Variants in FMN1 observed in about 807,000 individuals in gnomAD.
FMN1 encodes the protein formin-1.
Under a neutral mutation model 132.4 loss-of-function variants are expected in FMN1, and 110 were observed. The ratio of observed to expected loss-of-function variants is 0.83; its 90% confidence interval spans 0.71 to 0.97. The LOEUF is 0.97. Ranked by LOEUF, FMN1 falls within the 50% of genes least tolerant of loss-of-function variation. The probability of loss-of-function intolerance (pLI) is 0.00; values close to 1 mark genes in which losing one functional copy is unlikely to be tolerated. For missense variants in FMN1, 1,792 were observed against 1,705.3 expected (o/e 1.05, Z -0.90); for synonymous variants, 722 against 651.7 (o/e 1.11, Z -1.64).
At chr15:32,875,328 C>A (rs1451890) in intron 16 of FMN1, among the ~76,000 whole-genome samples, 40,443 of 152,058 alleles carry the variant, frequency 0.27, 5,602 homozygotes, top group African/African-American at 0.31. Context: ...CTTTCACCAT[C>A]TACAGGAAAG....
At chr15:33,068,459 CATCTGGATTATG>C (rs2037850650) in intron 5 of FMN1, among the ~76,000 whole-genome samples, 1 of 152,164 alleles carries the variant, frequency 6.6e-6, no homozygotes, top group African/African-American at 2.4e-5. Context: ...CCTTCTTTTT[CATCTGGATTATG>C]ATCAGAGAGG....
At chr15:33,061,711 A>G (rs1386555190) in intron 6 of FMN1, among the ~76,000 whole-genome samples, 1 of 152,150 alleles carries the variant, frequency 6.6e-6, no homozygotes. Flanking sequence ...AAGATATAGT[A>G]TAATATACAA....
chr15:33,175,545 T>C (rs1367028385), intron 3 of FMN1, among the ~76,000 whole-genome samples: 1 of 152,212 alleles, frequency 6.6e-6, no homozygotes, highest in Non-Finnish European at 1.5e-5. Flanking sequence ...GGAGCCCCTA[T>C]TTCTCTATAT....
chr15:33,162,453 G>A (rs1372650235), intron 3 of FMN1, among the ~76,000 whole-genome samples: 1 of 152,000 alleles, frequency 6.6e-6, no homozygotes, highest in African/African-American at 2.4e-5. Flanking sequence ...TCAACATCAT[G>A]TTTGTAGAAT....
At chr15:33,122,788 TTC>T (rs1319625236) in intron 4 of FMN1, among the ~76,000 whole-genome samples, 1 of 152,230 alleles carries the variant, frequency 6.6e-6, no homozygotes, top group Non-Finnish European at 1.5e-5. Context: ...GCTGCCATTA[TTC>T]TGTTACATAA....
In FMN1 at chr15:33,008,017, C is replaced by A; in HGVS notation, c.2220G>T (p.Leu740=). ...CAGTAGCATCAAAGAGGCATACCTG[C>A]AGGTTTTCAATTTCTTCTTTGTGCT... ...KREHKEEIEN[L]QAQFELRAFH... Residue 740 remains leucine, a synonymous_variant, in exon 7 of 21, where the codon CTG becomes CTT. Transcript: ENST00000616417. 6.3e-7 allele frequency: 1 copy of A among 1,599,902 alleles called. No homozygotes were observed. Among genetic ancestry groups the A allele is most frequent in the Middle Eastern group, 1.7e-4 (1 of 6,044 alleles).
chr15:32,964,053 ATAC>A, intron 9 of FMN1, 51 bp downstream of exon 9: 1 of 1,394,108 alleles, frequency 7.2e-7, no homozygotes, highest in Non-Finnish European at 1.0e-6. Context: ...ACACACATAT[ATAC>A]CATTTCCCTG....
intron 15 of FMN1, among the ~76,000 whole-genome samples, chr15:32,893,016 G>A (rs1349034277): frequency 6.6e-6 from 1 of 152,088 alleles, no homozygotes; most frequent in Non-Finnish European, 1.5e-5. Flanking sequence ...TGTAAAACAT[G>A]GTTCTGAGAT....
intron 4 of FMN1, among the ~76,000 whole-genome samples, chr15:33,138,405 A>G (rs1041048118): frequency 6.6e-6 from 1 of 152,096 alleles, no homozygotes; most frequent in Admixed American, 6.6e-5. Context: ...AATGTGGCCT[A>G]TGCAGGTGTC....
intron 9 of FMN1, among the ~76,000 whole-genome samples, chr15:32,940,924 T>C (rs1294077066): frequency 6.6e-6 from 1 of 152,168 alleles, no homozygotes; most frequent in Non-Finnish European, 1.5e-5. Flanking sequence ...TGTTAGACGT[T>C]AGTGGGATTC....
At chr15:32,863,434 A>AAAAT (rs1322138634) in intron 16 of FMN1, among the ~76,000 whole-genome samples, 2 of 152,186 alleles carry the variant, frequency 1.3e-5, no homozygotes, top group South Asian at 2.1e-4. Flanking sequence ...ACTCCATCTC[A>AAAAT]AAATAAATAA....
intron 7 of FMN1, among the ~76,000 whole-genome samples, chr15:32,972,402 C>T (rs78157265): frequency 0.014 from 2,066 of 152,282 alleles, 41 homozygotes; most frequent in African/African-American, 0.047. Flanking sequence ...TTGACCCATG[C>T]TTTATTTTTG....
chr15:33,057,603 A>C (rs1448814306), intron 6 of FMN1, among the ~76,000 whole-genome samples: 1 of 152,206 alleles, frequency 6.6e-6, no homozygotes, highest in Non-Finnish European at 1.5e-5. Context: ...AGTTTAGTTG[A>C]TGCTCAAACC....
chr15:33,024,896 T>C (rs1263019868), intron 6 of FMN1, among the ~76,000 whole-genome samples: 1 of 152,164 alleles, frequency 6.6e-6, no homozygotes, highest in Non-Finnish European at 1.5e-5. Flanking sequence ...TTAACATGAA[T>C]GAAATAGAGC....
chr15:33,050,139 G>A (rs745686584), intron 6 of FMN1, among the ~76,000 whole-genome samples: 2 of 152,172 alleles, frequency 1.3e-5, no homozygotes, highest in Non-Finnish European at 2.9e-5. Flanking sequence ...GGTAGGCTTG[G>A]CTAAGGTGAT....
At chr15:32,983,542 T>C (rs1031469930) in intron 7 of FMN1, among the ~76,000 whole-genome samples, 28 of 152,166 alleles carry the variant, frequency 1.8e-4, no homozygotes, top group Admixed American at 4.6e-4. Context: ...CTCTTAAAGA[T>C]TGATATTATA....
In FMN1 at chr15:32,774,358, T is replaced by C. The variant is rs756230270; in HGVS notation, c.4216-4A>G. On this transcript the variant is annotated splice_polypyrimidine_tract_variant and splice_region_variant and intron_variant, in intron 20 of 20. Transcript: ENST00000616417. ...CCTTCTGACGCAGTCTTTCTTTCTG[T>C]TAAGGAAAAAAAAATGAATGTATCA... The C allele has an allele frequency of 1.4e-5, 22 of 1,582,298 alleles. No homozygotes were observed. The highest frequency in any genetic ancestry group is 1.8e-5 in the Non-Finnish European group (21 of 1,164,734).
intron 4 of FMN1, among the ~76,000 whole-genome samples, chr15:33,143,534 G>C (rs1279317497): frequency 1.3e-5 from 2 of 152,094 alleles, no homozygotes; most frequent in Non-Finnish European, 2.9e-5. Context: ...AAAATAAAGA[G>C]ACATCTGTTT....
intron 17 of FMN1, among the ~76,000 whole-genome samples, chr15:32,852,263 G>A (rs1275576685): frequency 6.6e-6 from 1 of 152,130 alleles, no homozygotes; most frequent in African/African-American, 2.4e-5. Flanking sequence ...AGAAAAAGGA[G>A]TTACCCTATT....
Sources: allele counts gnomAD v4.1 joint callset (sites outside exome capture counted in the v4.1 genomes callset), GRCh38; gene constraint gnomAD v4.1.1; transcripts MANE v1.5; gene names NCBI Gene and HGNC (gene_info 2026-07-23, HGNC 2026-07-21).